RAB31: variants seen among roughly 807,000 people sequenced by gnomAD.
RAB31 encodes the protein ras-related protein Rab-31.
Under a neutral mutation model 25.6 loss-of-function variants are expected in RAB31, and 21 were observed. The ratio of observed to expected loss-of-function variants is 0.82; its 90% CI spans 0.58 to 1.18. RAB31 has a LOEUF of 1.18. RAB31 is among the 50% of genes most tolerant of loss of function. The pLI is 0.00. For missense variants in RAB31, 196 were observed against 250.1 expected (o/e 0.78, Z 1.46); for synonymous variants, 87 against 84.0 (o/e 1.04, Z -0.20).
chr18:9,814,921 A>C, intron 4 of RAB31, 195 bp from the exon 5 acceptor site: 3 of 413,534 alleles, frequency 7.3e-6, no homozygotes, highest in Non-Finnish European at 4.4e-6. Context: ...TTAATTTTAG[A>C]AAACTTGATA....
At chr18:9,718,238 C>T (rs544427090) in intron 1 of RAB31, among the ~76,000 whole-genome samples, 1 of 151,904 alleles carries the variant, frequency 6.6e-6, no homozygotes, top group South Asian at 2.1e-4. Context: ...TTCATTTTAG[C>T]AGCTAAAATA....
chr18:9,844,655 C>G (rs1230522310), intron 5 of RAB31: 1 of 152,252 alleles, frequency 6.6e-6, no homozygotes, highest in African/African-American at 2.4e-5. Flanking sequence ...CATGCAGCAG[C>G]TGCTGGAGAA....
At chr18:9,715,561 G>T (rs11663783) in intron 1 of RAB31, among the ~76,000 whole-genome samples, 2 of 133,170 alleles carry the variant, frequency 1.5e-5, no homozygotes, top group Admixed American at 8.3e-5. Context: ...ATGGAGTCTC[G>T]CTCTGTCAAC....
chr18:9,764,722 C>T (rs1162130647), intron 1 of RAB31, among the ~76,000 whole-genome samples: 1 of 151,992 alleles, frequency 6.6e-6, no homozygotes, highest in African/African-American at 2.4e-5. Context: ...TTAAATGTGG[C>T]ACCTTATTCT....
At chr18:9,807,460 G>A (rs1235736069) in intron 3 of RAB31, among the ~76,000 whole-genome samples, 4 of 152,134 alleles carry the variant, frequency 2.6e-5, no homozygotes, top group African/African-American at 4.8e-5. Context: ...TGTATGATGC[G>A]AATAGACATA....
At chr18:9,720,026 C>G (rs1372368013) in intron 1 of RAB31, among the ~76,000 whole-genome samples, 1 of 152,056 alleles carries the variant, frequency 6.6e-6, no homozygotes, top group East Asian at 1.9e-4. Context: ...TGCAGTGGCA[C>G]AATCTCGGCT....
rs142686462 is a variant in RAB31, at chr18:9,793,521, G to A, written c.201+1286G>A. On this transcript the variant is annotated intron_variant, in intron 3 of 6. Coordinates refer to ENST00000578921, the MANE Select transcript of RAB31 (RefSeq NM_006868.4). Reference sequence around the variant, plus strand: ...ACTAAAAATACAAAAAATTAGCCAGGTGTGGTGGTGGGCATCTGTAGTCCC... The same window carrying A: ...ACTAAAAATACAAAAAATTAGCCAGATGTGGTGGTGGGCATCTGTAGTCCC... Among the ~76,000 whole-genome samples the A allele has an allele frequency of 2.9e-3, 434 of 152,198 alleles. 1 individual carries two copies. The highest frequency in any genetic ancestry group is 9.9e-3 in the African/African-American group (412 of 41,530).
In RAB31 at chr18:9,727,967, G is replaced by T. The variant is rs139161524; in HGVS notation, c.39+19523G>T. On this transcript the variant is annotated intron_variant, in intron 1 of 6. Transcript: ENST00000578921. ...ATCTACTCTCTTAGCAAATAGATCA[G>T]TCTTTTTAAAGTTGTTTTTAATGAC... 3.1e-3 allele frequency among the ~76,000 whole-genome samples: 478 copies of T among 152,280 alleles called. 1 individual carries two copies. The highest frequency in any genetic ancestry group is 0.01 in the African/African-American group (430 of 41,564).
intron 5 of RAB31, among the ~76,000 whole-genome samples, chr18:9,829,343 C>T (rs2068665884): frequency 6.6e-6 from 1 of 152,180 alleles, no homozygotes; most frequent in African/African-American, 2.4e-5. Flanking sequence ...GATGACGTGT[C>T]GTTCACTCAG....
At chr18:9,730,165 T>G (rs2068115441) in intron 1 of RAB31, among the ~76,000 whole-genome samples, 1 of 152,264 alleles carries the variant, frequency 6.6e-6, no homozygotes, top group Non-Finnish European at 1.5e-5. Context: ...TAAAAACAAC[T>G]TCTGCATGTT....
At chr18:9,813,870 T>A (rs1457540475) in intron 3 of RAB31, 150 bp from the exon 4 acceptor site, 2 of 423,098 alleles carry the variant, frequency 4.7e-6, no homozygotes, top group East Asian at 3.7e-5. Flanking sequence ...TAAAATAAAA[T>A]AAATAAATAA....
rs183365981 is a variant in RAB31, at chr18:9,763,669, G to A, written c.40-11609G>A. Among the ~76,000 whole-genome samples, 4 of 151,338 alleles carry A rather than the reference G, an allele frequency of 2.6e-5. No individual in the cohort carries two copies. In the East Asian group the frequency reaches 7.7e-4, roughly 29 times the overall value. ...GCATAATTGGAGTTCCAGTAGGATA[G>A]AAGAGACTTAATGGAGCAGAAACAA... On this transcript the variant is annotated intron_variant, in intron 1 of 6. Coordinates refer to ENST00000578921, the MANE Select transcript of RAB31 (RefSeq NM_006868.4).
chr18:9,718,744 G>A lies in RAB31; in HGVS notation c.39+10300G>A, dbSNP rs891298785. On this transcript the variant is annotated intron_variant, in intron 1 of 6. Transcript: ENST00000578921. ...CAGGGTGCCAATACGGGCAGGTTCT[G>A]GTGAGGGCTCTCTAAGGGGTTGCAG... 2.6e-5 allele frequency among the ~76,000 whole-genome samples: 4 copies of A among 152,130 alleles called. No homozygotes were observed. The East Asian group carries it at 7.7e-4, about 29-fold the overall frequency.
intron 1 of RAB31, among the ~76,000 whole-genome samples, chr18:9,727,753 A>G (rs979919064): frequency 6.6e-6 from 1 of 152,206 alleles, no homozygotes; most frequent in African/African-American, 2.4e-5. Context: ...AATCTTTGCT[A>G]AGATCAGTCT....
chr18:9,776,743 G>A (rs572371327), intron 2 of RAB31, among the ~76,000 whole-genome samples: 8 of 152,088 alleles, frequency 5.3e-5, no homozygotes, highest in African/African-American at 2.4e-5. Flanking sequence ...TCACATGCAG[G>A]GGGCTGTGTT....
chr18:9,734,852 C>A, intron 1 of RAB31: 1 of 225,406 alleles, frequency 4.4e-6, no homozygotes, highest in East Asian at 1.2e-4. Context: ...ACACAGGCCC[C>A]CCAGCATTCT....
intron 1 of RAB31, among the ~76,000 whole-genome samples, chr18:9,764,880 C>T (rs1294658646): frequency 1.3e-5 from 2 of 152,106 alleles, no homozygotes; most frequent in Admixed American, 1.3e-4. Flanking sequence ...GAATATTTTC[C>T]CTCATGAGGT....
intron 3 of RAB31, among the ~76,000 whole-genome samples, chr18:9,794,813 T>TCAAAAAAACAAAAAA (rs1487275788): frequency 1.3e-5 from 2 of 151,188 alleles, no homozygotes; most frequent in Non-Finnish European, 2.9e-5. Flanking sequence ...AGAGTCTGTC[T>TCAAAAAAACAAAAAA]CAAAAAAACA....
intron 1 of RAB31, among the ~76,000 whole-genome samples, chr18:9,715,665 A>T (rs1477166401): frequency 6.6e-6 from 1 of 151,882 alleles, no homozygotes; most frequent in East Asian, 1.9e-4. Context: ...GAGTAGCTGA[A>T]ATCACAAGTG....
Sources: gnomAD v4.1 joint callset for allele counts (sites outside exome capture counted in the v4.1 genomes callset) on GRCh38, gnomAD v4.1.1 for gene constraint, MANE v1.5 for transcripts, NCBI Gene and HGNC (gene_info 2026-07-23, HGNC 2026-07-21) for gene names.